The following RUBCNL variants were observed in gnomAD, a reference collection of about 807,000 sequenced individuals.
RUBCNL encodes rubicon like autophagy enhancer.
A neutral mutation model predicts 69.5 loss-of-function variants in RUBCNL; 62 were observed. The observed-to-expected ratio is 0.89, with a 90% CI of 0.73 to 1.10. The LOEUF (loss-of-function observed/expected upper bound fraction) is 1.10. Among genes scored for constraint, RUBCNL ranks in the 50% least tolerant of loss-of-function variants. The pLI is 0.00. For missense variants in RUBCNL, 768 were observed against 798.1 expected (o/e 0.96, Z 0.45); for synonymous variants, 291 against 303.6 (o/e 0.96, Z 0.43).
At chr13:46,356,578 C>A in intron 9 of RUBCNL, 82 bp from the exon 10 acceptor site, 1 of 1,195,352 alleles carries the variant, frequency 8.4e-7, no homozygotes, top group Non-Finnish European at 1.2e-6. Flanking sequence ...AAATTGCCAT[C>A]GTGATACTTT....
In RUBCNL at chr13:46,372,052, A is replaced by C; in HGVS notation, c.424T>G (p.Ser142Ala). 3 of 1,614,018 alleles carry C rather than the reference A, an allele frequency of 1.9e-6. No homozygotes were observed. The highest frequency in any genetic ancestry group is 2.5e-6 in the Non-Finnish European group (3 of 1,179,900). Residue 142 changes from serine to alanine, a missense_variant, in exon 3 of 15, where the codon TCT (serine) becomes GCT (alanine). Coordinates refer to ENST00000429979, the MANE Select transcript of RUBCNL (RefSeq NM_025113.5). ...TEVHMVRPGY[S>A]HRVSLPTSPG... Reference sequence around the variant, plus strand: ...CTTGTGGGCAGAGACACCCGATGAGAGTATCCTGGGCGGACCATGTGTACC... The same window carrying C: ...CTTGTGGGCAGAGACACCCGATGAGCGTATCCTGGGCGGACCATGTGTACC...
At chr13:46,358,202 G>T (rs1051713369) in intron 9 of RUBCNL, among the ~76,000 whole-genome samples, 2 of 152,120 alleles carry the variant, frequency 1.3e-5, no homozygotes, top group Admixed American at 6.5e-5. Context: ...CTCAAAAAAA[G>T]AAAAACAAAA....
chr13:46,347,396 G>A (rs1028458018), intron 12 of RUBCNL, among the ~76,000 whole-genome samples: 2 of 152,132 alleles, frequency 1.3e-5, no homozygotes, highest in Non-Finnish European at 2.9e-5. Flanking sequence ...GACAGAGCTA[G>A]ACTCTGTCTT....
At chr13:46,359,259 T>C (rs2048557695) in intron 9 of RUBCNL, among the ~76,000 whole-genome samples, 1 of 152,060 alleles carries the variant, frequency 6.6e-6, no homozygotes, top group Non-Finnish European at 1.5e-5. Context: ...CATAGCTGAA[T>C]TCTCAACTTG....
At chr13:46,354,557 T>C (rs2048441394) in intron 10 of RUBCNL, among the ~76,000 whole-genome samples, 1 of 152,196 alleles carries the variant, frequency 6.6e-6, no homozygotes, top group Non-Finnish European at 1.5e-5. Flanking sequence ...TCTCCTCCTA[T>C]TCTTACTCTC....
intron 2 of RUBCNL, among the ~76,000 whole-genome samples, chr13:46,377,656 T>G (rs998633213): frequency 6.6e-6 from 1 of 152,370 alleles, no homozygotes; most frequent in Non-Finnish European, 1.5e-5. Context: ...CCTAAGTGAA[T>G]TGAGCAAAAA....
At chr13:46,380,164 A>C (rs1193636711) in intron 1 of RUBCNL, among the ~76,000 whole-genome samples, 1 of 152,198 alleles carries the variant, frequency 6.6e-6, no homozygotes, top group Non-Finnish European at 1.5e-5. Context: ...AGAAGAACAC[A>C]ACAGAAGGAC....
intron 7 of RUBCNL, among the ~76,000 whole-genome samples, 187 bp downstream of exon 7, chr13:46,362,351 T>G (rs1043996008): frequency 6.6e-6 from 1 of 152,242 alleles, no homozygotes; most frequent in Non-Finnish European, 1.5e-5. Flanking sequence ...GCCTTTTATA[T>G]ATTGTAAAAC....
rs1397902022 is a variant in RUBCNL at position 46,344,726 on chromosome 13, T to G, written c.1876+15A>C. ...TAACCTATTATTAAGCTTATGTTAT[T>G]AAGTTATTAAATACCTGAACATCTT... On this transcript the variant is annotated intron_variant, in intron 14 of 14. Transcript: ENST00000429979. The G allele has an allele frequency of 1.3e-6, 2 of 1,545,062 alleles. No individual in the cohort carries two copies. The highest frequency in any genetic ancestry group is 2.3e-5 in the East Asian group (1 of 44,130).
rs553083761 is a variant in RUBCNL at position 46,379,674 on chromosome 13, A to C, written c.-238-1669T>G. Among the ~76,000 whole-genome samples, 19 of 152,358 alleles carry C rather than the reference A, an allele frequency of 1.2e-4. No individual in the cohort carries two copies. The East Asian group carries it at 3.5e-3, about 28-fold the overall frequency. On this transcript the variant is annotated intron_variant, in intron 1 of 14. Transcript: ENST00000429979. The stretch of plus-strand genomic sequence containing the variant: ...AGAAATCACAAATAAATAAGAGTCT[A>C]GAGTGAAAAGTAAAATTCATTTTTA...
Position 46,336,099 on chromosome 13 carries a change from G to A in RUBCNL, c.*7286C>T, listed in dbSNP as rs2048103549. On this transcript the variant is annotated 3_prime_UTR_variant, in exon 15 of 15. Transcript: ENST00000429979. Reference sequence around the variant, plus strand: ...GGGGAGAAATCACAAATGTCATGATGTTTCCGGGTTCCAAAGCTTCCAGGA... The same window carrying A: ...GGGGAGAAATCACAAATGTCATGATATTTCCGGGTTCCAAAGCTTCCAGGA... 6.6e-6 allele frequency among the ~76,000 whole-genome samples: 1 copy of A among 152,222 alleles called. No homozygotes were observed. Among genetic ancestry groups the A allele is most frequent in the Non-Finnish European group, 1.5e-5 (1 of 68,048 alleles).
chr13:46,356,921 GTCTC>G (rs1264674385), intron 9 of RUBCNL, among the ~76,000 whole-genome samples: 1 of 149,544 alleles, frequency 6.7e-6, no homozygotes, highest in Non-Finnish European at 1.5e-5. Context: ...TAGAGATAGG[GTCTC>G]TCTATGTTGC....
chr13:46,342,191 C>G lies in RUBCNL; in HGVS notation c.*1194G>C, dbSNP rs2048152177. ...ATTCATTTCTTTCATGTGCTCAGTACTATCCCATTGAATAAAACACACTCA... is the reference window on the plus strand; with the variant it reads ...ATTCATTTCTTTCATGTGCTCAGTAGTATCCCATTGAATAAAACACACTCA... On this transcript the variant is annotated 3_prime_UTR_variant, in exon 15 of 15. Coordinates refer to ENST00000429979, the MANE Select transcript of RUBCNL (RefSeq NM_025113.5). 6.6e-6 allele frequency: 1 copy of G among 152,218 alleles called. No individual in the cohort carries two copies. Among genetic ancestry groups the G allele is most frequent in the African/African-American group, 2.4e-5 (1 of 41,442 alleles). 9.4% of individuals were successfully genotyped at this position (152,218 alleles called of 1,614,324 possible).
intron 5 of RUBCNL, among the ~76,000 whole-genome samples, chr13:46,364,434 G>GC (rs1349081892): frequency 1.1e-4 from 16 of 152,020 alleles, no homozygotes; most frequent in African/African-American, 3.9e-4. Flanking sequence ...TTTACAGTAG[G>GC]CTGGCTGACT....
intron 7 of RUBCNL, 41 bp from the exon 8 acceptor site, chr13:46,361,614 T>C (rs1022365132): frequency 1.4e-5 from 22 of 1,554,014 alleles, no homozygotes; most frequent in Non-Finnish European, 1.8e-5. Context: ...ACTATATTCA[T>C]GAGGAGTATG....
intron 7 of RUBCNL, 103 bp from the exon 8 acceptor site, chr13:46,361,676 G>C (rs1248534071): frequency 2.5e-6 from 3 of 1,193,468 alleles, no homozygotes; most frequent in Non-Finnish European, 3.5e-6. Flanking sequence ...CCAAAACTCA[G>C]AAGAGGCTGT....
chr13:46,350,636 G>C (rs1273402403), intron 10 of RUBCNL: 1 of 326,754 alleles, frequency 3.1e-6, no homozygotes, highest in African/African-American at 2.1e-5. Flanking sequence ...CTGCAGTGTA[G>C]CAAAAGGAAC....
At chr13:46,369,822 T>C (rs138789763) in intron 3 of RUBCNL, among the ~76,000 whole-genome samples, 64 of 152,368 alleles carry the variant, frequency 4.2e-4, no homozygotes, top group African/African-American at 1.5e-3. Flanking sequence ...CTCAGCATGA[T>C]GGAGTTGCAA....
chr13:46,372,466 G>T lies in RUBCNL; in HGVS notation c.10C>A (p.Gln4Lys), dbSNP rs1354623567. The change falls in exon 3 of 15, where the codon CAA becomes AAA. Residue 4 changes from glutamine (Q) to lysine (K), a missense_variant. Coordinates refer to ENST00000429979, the MANE Select transcript of RUBCNL (RefSeq NM_025113.5). Reference sequence around the variant, plus strand: ...GGAGAATCCTGCCTGACTGTAGATTGTGACACCATCTTTCCAGGCTTGTGG... The same window carrying T: ...GGAGAATCCTGCCTGACTGTAGATTTTGACACCATCTTTCCAGGCTTGTGG... MVSQSTVRQDSPVE... is the reference protein window; with the variant it reads MVSKSTVRQDSPVE... 2 of 1,603,892 alleles carry T rather than the reference G, an allele frequency of 1.2e-6. No homozygotes were observed. Among genetic ancestry groups the T allele is most frequent in the Non-Finnish European group, 1.7e-6 (2 of 1,174,958 alleles).
Sources: gnomAD v4.1 joint callset for allele counts (sites outside exome capture counted in the v4.1 genomes callset) on GRCh38, gnomAD v4.1.1 for gene constraint, MANE v1.5 for transcripts, NCBI Gene and HGNC (gene_info 2026-07-23, HGNC 2026-07-21) for gene names.